Variants in CADM2 observed in about 807,000 individuals in gnomAD.
CADM2 encodes cell adhesion molecule 2, also known as immunoglobulin superfamily member 4D.
In CADM2, 12 loss-of-function variants were observed where a neutral mutation model predicts 49.8. That is an observed-to-expected ratio of 0.24 (90% CI 0.15 to 0.39). The LOEUF (loss-of-function observed/expected upper bound fraction) is 0.39, where lower values mean the gene tolerates loss of function less well. Ranked by LOEUF, CADM2 falls within the 10% of genes least tolerant of loss-of-function variation. The pLI, the probability that CADM2 is intolerant of heterozygous loss-of-function variation, is 1.00. For missense variants in CADM2, 378 were observed against 492.3 expected (o/e 0.77, Z 2.20); for synonymous variants, 214 against 175.4 (o/e 1.22, Z -1.74).
chr3:85,541,355 A>G (rs546450092), intron 1 of CADM2, among the ~76,000 whole-genome samples: 17 of 151,822 alleles, frequency 1.1e-4, no homozygotes, highest in African/African-American at 4.1e-4. Context: ...ACAAATATTG[A>G]ATGTAAATTG....
At chr3:85,515,195 A>G (rs553875268) in intron 1 of CADM2, among the ~76,000 whole-genome samples, 7 of 152,272 alleles carry the variant, frequency 4.6e-5, no homozygotes, top group African/African-American at 1.7e-4. Context: ...TCTACTCAGA[A>G]TAATACTCTA....
chr3:85,492,567 G>T (rs1490892440), intron 1 of CADM2, among the ~76,000 whole-genome samples: 2 of 151,950 alleles, frequency 1.3e-5, no homozygotes, highest in Non-Finnish European at 2.9e-5. Flanking sequence ...CAGCCTGGGC[G>T]ACAGAGCGGG....
At chr3:85,015,189 T>A (rs2034199574) in intron 1 of CADM2, among the ~76,000 whole-genome samples, 1 of 152,140 alleles carries the variant, frequency 6.6e-6, no homozygotes, top group Admixed American at 6.6e-5. Flanking sequence ...TGTGTAATTT[T>A]ATATAGCTTT....
chr3:85,385,030 G>C (rs1454339036), intron 1 of CADM2, among the ~76,000 whole-genome samples: 2 of 152,054 alleles, frequency 1.3e-5, no homozygotes, highest in Admixed American at 6.6e-5. Context: ...CCGCCTCCAA[G>C]GCTGAAGTGA....
At chr3:85,689,856 C>T (rs1004246875) in intron 1 of CADM2, among the ~76,000 whole-genome samples, 3 of 152,132 alleles carry the variant, frequency 2.0e-5, no homozygotes, top group Non-Finnish European at 2.9e-5. Flanking sequence ...AGAAGACATA[C>T]ATGAAATATG....
At chr3:85,342,598 G>T (rs957247969) in intron 1 of CADM2, among the ~76,000 whole-genome samples, 6 of 152,112 alleles carry the variant, frequency 3.9e-5, no homozygotes, top group African/African-American at 1.4e-4. Context: ...TTCTCTGCAT[G>T]CCTTGTGGGA....
intron 3 of CADM2, among the ~76,000 whole-genome samples, chr3:85,873,791 G>A (rs1347035522): frequency 1.3e-5 from 2 of 152,040 alleles, no homozygotes; most frequent in Non-Finnish European, 2.9e-5. Flanking sequence ...TGATGTATGT[G>A]AGATATTAGA....
chr3:85,517,771 C>T (rs545649904), intron 1 of CADM2, among the ~76,000 whole-genome samples: 1 of 152,248 alleles, frequency 6.6e-6, no homozygotes, highest in South Asian at 2.1e-4. Context: ...TACTTATACC[C>T]CATTTCCAAA....
intron 1 of CADM2, among the ~76,000 whole-genome samples, chr3:85,207,050 A>ATGTGTGTGTGTGTGTG (rs3085116): frequency 1.4e-5 from 2 of 144,884 alleles, no homozygotes; most frequent in African/African-American, 5.1e-5. Context: ...GAAGAAATAA[A>ATGTGTGTGTGTGTGTG]TGTGTGTGTG....
At chr3:85,687,043 A>G (rs1001352264) in intron 1 of CADM2, among the ~76,000 whole-genome samples, 3 of 152,102 alleles carry the variant, frequency 2.0e-5, no homozygotes, top group Non-Finnish European at 4.4e-5. Flanking sequence ...GGCAAAATAC[A>G]CTTTCTAAAT....
chr3:85,434,472 G>A (rs2036835352), intron 1 of CADM2, among the ~76,000 whole-genome samples: 1 of 151,970 alleles, frequency 6.6e-6, no homozygotes, highest in African/African-American at 2.4e-5. Flanking sequence ...GGGCTATAAT[G>A]TTTTAGAAAC....
At chr3:85,558,794 T>C (rs1396402344) in intron 1 of CADM2, among the ~76,000 whole-genome samples, 6 of 152,066 alleles carry the variant, frequency 3.9e-5, no homozygotes, top group Non-Finnish European at 7.4e-5. Flanking sequence ...CATCCATATG[T>C]TTAAAGCATC....
chr3:85,074,487 T>A lies in CADM2; in HGVS notation c.61+114819T>A, dbSNP rs2036868661. ...TGTTTATTTTCTTCCTTGATTAGAA[T>A]AAAAACTTGAAGTTGTGACAACTTT... On this transcript the variant is annotated intron_variant, in intron 1 of 9. Coordinates refer to ENST00000383699, the MANE Select transcript of CADM2 (RefSeq NM_001167675.2). 2.0e-5 allele frequency among the ~76,000 whole-genome samples: 3 copies of A among 152,172 alleles called. No individual in the cohort carries two copies. In the South Asian group the frequency reaches 6.2e-4, roughly 31 times the overall value.
At chr3:86,058,157 A>C (rs537475309) in intron 8 of CADM2, among the ~76,000 whole-genome samples, 29 of 152,284 alleles carry the variant, frequency 1.9e-4, no homozygotes, top group African/African-American at 6.0e-4. Context: ...TTTCCATCTA[A>C]TCTCATGTTA....
intron 3 of CADM2, among the ~76,000 whole-genome samples, chr3:85,882,367 G>A (rs2108388187): frequency 6.6e-6 from 1 of 152,234 alleles, no homozygotes; most frequent in East Asian, 1.9e-4. Context: ...ATTCTCATTT[G>A]ATCAGCAATA....
intron 1 of CADM2, among the ~76,000 whole-genome samples, chr3:85,347,638 T>A (rs201088788): frequency 4.5e-5 from 2 of 44,410 alleles, no homozygotes; most frequent in Non-Finnish European, 1.3e-4. Flanking sequence ...TAAATATATA[T>A]ACATATATAT....
At chr3:85,823,603 AGTT>A (rs1295161024) in intron 3 of CADM2, among the ~76,000 whole-genome samples, 1 of 152,174 alleles carries the variant, frequency 6.6e-6, no homozygotes, top group African/African-American at 2.4e-5. Flanking sequence ...TACTTTGCAG[AGTT>A]GTTGTTAAGA....
intron 3 of CADM2, among the ~76,000 whole-genome samples, chr3:85,859,809 G>A (rs1169847402): frequency 3.3e-5 from 5 of 151,800 alleles, no homozygotes; most frequent in Admixed American, 1.3e-4. Flanking sequence ...GTTCTCATTC[G>A]CAAAAATTTT....
At chr3:85,013,107 C>T (rs542846579) in intron 1 of CADM2, among the ~76,000 whole-genome samples, 45 of 148,478 alleles carry the variant, frequency 3.0e-4, no homozygotes, top group East Asian at 5.9e-4. Context: ...GATGATATGA[C>T]CCACTCAGAA....
Sources: gnomAD v4.1 joint callset for allele counts (sites outside exome capture counted in the v4.1 genomes callset) on GRCh38, gnomAD v4.1.1 for gene constraint, MANE v1.5 for transcripts, NCBI Gene and HGNC (gene_info 2026-07-23, HGNC 2026-07-21) for gene names.